PI4KA: variants seen among roughly 807,000 people sequenced by gnomAD.
The protein encoded by PI4KA is phosphatidylinositol 4-kinase alpha.
Under a neutral mutation model 271.4 loss-of-function variants are expected in PI4KA, and 122 were observed. That is an observed-to-expected ratio of 0.45 (90% CI 0.39 to 0.52). PI4KA has a LOEUF of 0.52. PI4KA is among the 20% of genes least tolerant of loss of function. The pLI, the probability that PI4KA is intolerant of heterozygous loss-of-function variation, is 0.00. For missense variants in PI4KA, 1,969 were observed against 2,769.1 expected (o/e 0.71, Z 6.48); for synonymous variants, 1,041 against 1,078.8 (o/e 0.96, Z 0.69).
intron 19 of PI4KA, among the ~76,000 whole-genome samples, chr22:20,780,466 A>G (rs777147983): frequency 6.6e-6 from 1 of 152,146 alleles, no homozygotes; most frequent in Non-Finnish European, 1.5e-5. Context: ...GAAGCCACCA[A>G]CACATGAAGT....
At position 20,718,723 on chromosome 22, in the gene PI4KA, T is replaced by A. The variant is rs1291926744; in HGVS notation, c.5216A>T (p.Asn1739Ile). Residue 1739 changes from asparagine to isoleucine, a missense_variant, in exon 44 of 55, where the codon AAC (asparagine) becomes ATC (isoleucine). Asn to Ile is a moderately radical substitution (Grantham distance 149). Around this residue, in one of 13 missense-constraint regions of PI4KA, gnomAD observed 388 missense variants for 521.5 expected, o/e 0.74. Transcript: ENST00000255882. ...DFYQREFDFF[N>I]KITNVSAIIK... is the part of the protein sequence containing the mutation. ...GATAGCCGACACGTTGGTGATCTTGTTAAAGAAATCAAACTCCCGCTGGTA... is the reference window on the plus strand; with the variant it reads ...GATAGCCGACACGTTGGTGATCTTGATAAAGAAATCAAACTCCCGCTGGTA... The A allele has an allele frequency of 6.2e-7, 1 of 1,613,808 alleles. No homozygotes were observed. The highest frequency in any genetic ancestry group is 1.3e-5 in the African/African-American group (1 of 75,040).
At position 20,796,171 on chromosome 22, in the gene PI4KA, G is replaced by T; in HGVS notation, c.2252C>A (p.Ala751Glu). ...GLEGKRASER[A>E]SEKGPALKAS... is the part of the protein sequence containing the mutation. ...CTTTAGGGCAGGGCCCTTCTCGCTT[G>T]CCCTCTCGCTGGCTCGCTTCCCCTC... is the stretch of plus-strand genomic sequence containing the variant. Residue 751 changes from alanine (A) to glutamate (E), a missense_variant, in exon 18 of 55, where the codon GCA becomes GAA. Physicochemically the swap from Ala to Glu is moderately radical, Grantham distance 107. Around this residue, in one of 13 missense-constraint regions of PI4KA, gnomAD observed 368 missense variants for 544.3 expected, o/e 0.68. Coordinates refer to ENST00000255882, the MANE Select transcript of PI4KA (RefSeq NM_058004.4). The T allele has an allele frequency of 6.2e-7, 1 of 1,613,818 alleles. No individual in the cohort carries two copies. The highest frequency in any genetic ancestry group is 8.5e-7 in the Non-Finnish European group (1 of 1,179,762).
Position 20,786,803 on chromosome 22 carries a change from T to C in PI4KA, c.2328+6390A>G, listed in dbSNP as rs73877787. 5.9e-4 allele frequency: 839 copies of C among 1,414,940 alleles called. 5 individuals carry two copies. The African/African-American group carries it at 9.7e-3, about 16-fold the overall frequency. 87.6% of individuals were successfully genotyped at this position (1,414,940 alleles called of 1,614,324 possible). Reference sequence around the variant, plus strand: ...CTTTGGATCCTTTCCCTGAATGATATGAGATTGTGCTGGGAACTCTAGCCC... The same window carrying C: ...CTTTGGATCCTTTCCCTGAATGATACGAGATTGTGCTGGGAACTCTAGCCC... On this transcript the variant is annotated intron_variant, in intron 19 of 54. Transcript: ENST00000255882.
At chr22:20,744,224 C>A (rs865784492) in intron 30 of PI4KA, among the ~76,000 whole-genome samples, 13 of 152,146 alleles carry the variant, frequency 8.5e-5, no homozygotes, top group Middle Eastern at 3.2e-3. Flanking sequence ...TGGTTCCAGA[C>A]CCCACTCCAC....
At chr22:20,713,779 T>G (rs1437362252) in intron 47 of PI4KA, among the ~76,000 whole-genome samples, 4 of 152,232 alleles carry the variant, frequency 2.6e-5, no homozygotes, top group Non-Finnish European at 4.4e-5. Context: ...GGCAGGTCCC[T>G]GCAAGGGGTG....
intron 23 of PI4KA, 105 bp downstream of exon 23, chr22:20,761,199 C>T: frequency 1.4e-6 from 1 of 720,788 alleles, no homozygotes; most frequent in East Asian, 2.6e-5. Flanking sequence ...CAATATTTAA[C>T]TTCATAAAAC....
intron 1 of PI4KA, among the ~76,000 whole-genome samples, chr22:20,851,797 T>G (rs913185375): frequency 6.6e-6 from 1 of 152,232 alleles, no homozygotes; most frequent in Non-Finnish European, 1.5e-5. Flanking sequence ...TGTATTTATT[T>G]GTCAGTTTAC....
chr22:20,857,524 C>A (rs1927750026), intron 1 of PI4KA, among the ~76,000 whole-genome samples: 1 of 152,196 alleles, frequency 6.6e-6, no homozygotes, highest in South Asian at 2.1e-4. Flanking sequence ...GGAAAACATC[C>A]TCTCTCCATG....
intron 23 of PI4KA, among the ~76,000 whole-genome samples, chr22:20,758,459 C>CTTTTTTTTTTT (rs35401829): frequency 6.2e-4 from 53 of 84,996 alleles, no homozygotes; most frequent in Admixed American, 7.9e-4. Flanking sequence ...TCTTTCTTTT[C>CTTTTTTTTTTT]TTTTTTTTTT....
At chr22:20,835,606 C>A (rs1259401990) in intron 2 of PI4KA, among the ~76,000 whole-genome samples, 1 of 152,052 alleles carries the variant, frequency 6.6e-6, no homozygotes, top group African/African-American at 2.4e-5. Context: ...GTGGGACGTG[C>A]CTGTAGTCCC....
At chr22:20,763,020 G>A (rs866471580) in intron 22 of PI4KA, among the ~76,000 whole-genome samples, 1 of 76,942 alleles carries the variant, frequency 1.3e-5, no homozygotes, top group East Asian at 3.6e-4. Flanking sequence ...TTTTTTTTGG[G>A]GGGGGGGGGG....
intron 28 of PI4KA, among the ~76,000 whole-genome samples, chr22:20,748,647 T>C (rs942653925): frequency 1.3e-5 from 2 of 152,212 alleles, no homozygotes; most frequent in Non-Finnish European, 2.9e-5. Flanking sequence ...AACCAACTAA[T>C]TCCCTTAAGA....
chr22:20,714,609 G>A lies in PI4KA; in HGVS notation c.5390+19C>T. On this transcript the variant is annotated intron_variant, in intron 46 of 54. Transcript: ENST00000255882. Reference sequence around the variant, plus strand: ...CGCGGACGCGTGGAAGTGGGGGATGGGTAGGGTGAGGCGCCCACCTCTGCA... The same window carrying A: ...CGCGGACGCGTGGAAGTGGGGGATGAGTAGGGTGAGGCGCCCACCTCTGCA... The A allele has an allele frequency of 6.2e-7, 1 of 1,614,014 alleles. No individual in the cohort carries two copies. The highest frequency in any genetic ancestry group is 1.1e-5 in the South Asian group (1 of 91,078).
chr22:20,835,359 A>C (rs1924721169), intron 2 of PI4KA, among the ~76,000 whole-genome samples: 1 of 152,214 alleles, frequency 6.6e-6, no homozygotes, highest in East Asian at 1.9e-4. Flanking sequence ...CCAGAGAAGA[A>C]GTGTGCTCTA....
chr22:20,753,201 T>C (rs377474497), intron 23 of PI4KA, 21 bp from the exon 24 acceptor site: 50 of 1,604,736 alleles, frequency 3.1e-5, no homozygotes, highest in South Asian at 8.8e-5. Flanking sequence ...AAGGTTTCCA[T>C]GGATAAGGTG....
chr22:20,852,815 G>A (rs1390025195), intron 1 of PI4KA, among the ~76,000 whole-genome samples: 1 of 152,124 alleles, frequency 6.6e-6, no homozygotes, highest in African/African-American at 2.4e-5. Context: ...ATGAACTCCA[G>A]AAAGCCCACT....
chr22:20,805,133 C>T lies in PI4KA; in HGVS notation c.1201G>A (p.Asp401Asn). ...LPTSFVKEIH[D>N]FVLEQFNTSQ... ...GTGTTGAACTGCTCCAGCACAAAAT[C>T]ATGGATCTCCTTCACAAAAGAGGTC... is the stretch of plus-strand genomic sequence containing the variant. The change falls in exon 11 of 55, where the codon GAT (aspartate) becomes AAT (asparagine). Residue 401 changes from aspartate (D) to asparagine (N), a missense_variant. By Grantham distance (23) the Asp-to-Asn change is conservative (BLOSUM62 1). This residue lies in a region of PI4KA where 540 missense variants were observed against 555.5 expected (regional missense o/e 0.97). Coordinates refer to ENST00000255882, the MANE Select transcript of PI4KA (RefSeq NM_058004.4). 6.2e-7 allele frequency: 1 copy of T among 1,614,024 alleles called. No homozygotes were observed. Among genetic ancestry groups the T allele is most frequent in the Non-Finnish European group, 8.5e-7 (1 of 1,179,940 alleles).
chr22:20,796,324 A>G lies in PI4KA; in HGVS notation c.2109-10T>C, dbSNP rs1934983561. The G allele has an allele frequency of 8.1e-6, 13 of 1,609,940 alleles. No homozygotes were observed. The highest frequency in any genetic ancestry group is 1.7e-4 in the Middle Eastern group (1 of 6,038). On this transcript the variant is annotated splice_polypyrimidine_tract_variant and intron_variant, in intron 17 of 54. Transcript: ENST00000255882. ...TGCCAGGGAGCAATGCCTGAAGAAG[A>G]AGGAGTGAAATAACAGCCACTGCCA...
chr22:20,726,401 C>T, intron 42 of PI4KA, 87 bp downstream of exon 42: 1 of 1,218,070 alleles, frequency 8.2e-7, no homozygotes, highest in Non-Finnish European at 1.1e-6. Context: ...TCTGAGGAGC[C>T]TGTGAGGGCT....
Sources: gnomAD v4.1 joint callset for allele counts (sites outside exome capture counted in the v4.1 genomes callset) on GRCh38, gnomAD v4.1.1 for gene constraint, gnomAD v4.1.1 regional missense constraint, MANE v1.5 for transcripts, NCBI Gene and HGNC (gene_info 2026-07-23, HGNC 2026-07-21) for gene names.